LARGE1: variants seen among roughly 807,000 people sequenced by gnomAD.
LARGE1 encodes the protein xylosyl- and glucuronyltransferase LARGE1.
In LARGE1, 43 loss-of-function variants were observed where a neutral mutation model predicts 87.6. The observed-to-expected ratio is 0.49, with a 90% CI of 0.38 to 0.63. The LOEUF (loss-of-function observed/expected upper bound fraction) is 0.63, where lower values mean the gene tolerates loss of function less well. Ranked by LOEUF, LARGE1 falls within the 30% of genes least tolerant of loss-of-function variation. The probability of loss-of-function intolerance (pLI) is 0.00; values close to 1 mark genes in which losing one functional copy is unlikely to be tolerated. For synonymous variants in LARGE1, 434 were observed against 394.6 expected (o/e 1.10, Z -1.18); for missense variants, 802 against 1,000.2 (o/e 0.80, Z 2.67).
chr22:33,568,766 C>CAAAAAAAAAAAA (rs57651807), intron 5 of LARGE1, among the ~76,000 whole-genome samples: 2 of 92,774 alleles, frequency 2.2e-5, no homozygotes, highest in Non-Finnish European at 4.4e-5. Flanking sequence ...AACTCAGTCT[C>CAAAAAAAAAAAA]AAAAAAAAAA....
intron 12 of LARGE1, among the ~76,000 whole-genome samples, chr22:33,302,058 T>C (rs193032039): frequency 0.012 from 1,799 of 152,030 alleles, 14 homozygotes; most frequent in South Asian, 0.026. Context: ...TGGGCAGGGG[T>C]CCAATCCTGA....
At chr22:33,766,982 T>C (rs7286428) in intron 1 of LARGE1, among the ~76,000 whole-genome samples, 40,786 of 135,946 alleles carry the variant, frequency 0.3, 6,969 homozygotes, top group East Asian at 0.49. Context: ...CCTGAAATTT[T>C]ATACAAGGAG....
At chr22:33,774,726 T>C (rs1365076873) in intron 1 of LARGE1, among the ~76,000 whole-genome samples, 1 of 152,232 alleles carries the variant, frequency 6.6e-6, no homozygotes. Flanking sequence ...ATGTAATCAA[T>C]ATAAAGCATT....
At position 33,761,491 on chromosome 22, in the gene LARGE1, C is replaced by G. The variant is rs779542731; in HGVS notation, c.-15G>C. On this transcript the variant is annotated 5_prime_UTR_variant, in exon 2 of 15. Coordinates refer to ENST00000397394, the MANE Select transcript of LARGE1 (RefSeq NM_133642.5). Reference sequence around the variant, plus strand: ...ATTCCCAGCATCCTCTCAGAAGTGGCAATCCCTAATCCCAGCGCCGTTTCT... The same window carrying G: ...ATTCCCAGCATCCTCTCAGAAGTGGGAATCCCTAATCCCAGCGCCGTTTCT... 2 of 1,600,726 alleles carry G rather than the reference C, an allele frequency of 1.2e-6. No individual in the cohort carries two copies. Among genetic ancestry groups the G allele is most frequent in the South Asian group, 1.1e-5 (1 of 90,856 alleles).
intron 11 of LARGE1, among the ~76,000 whole-genome samples, chr22:33,203,619 G>C (rs370819987): frequency 2.6e-5 from 4 of 152,146 alleles, no homozygotes; most frequent in African/African-American, 9.7e-5. Context: ...TGAAGCTAGG[G>C]AGGCAAGCAG....
At chr22:33,283,121 T>A (rs1930784934) in intron 13 of LARGE1, 81 bp downstream of exon 13, 1 of 1,569,230 alleles carries the variant, frequency 6.4e-7, no homozygotes, top group Admixed American at 1.7e-5. Context: ...AACTTCCAGA[T>A]CGATAGCTTT....
chr22:33,659,128 C>T (rs2081052601), intron 2 of LARGE1, among the ~76,000 whole-genome samples: 1 of 152,204 alleles, frequency 6.6e-6, no homozygotes, highest in South Asian at 2.1e-4. Flanking sequence ...AGCCCAGCTG[C>T]CTGACTATCC....
intron 10 of LARGE1, chr22:33,322,859 A>G (rs1460261028): frequency 6.6e-6 from 1 of 152,354 alleles, no homozygotes; most frequent in Non-Finnish European, 1.5e-5. Context: ...ACCGTGGCTC[A>G]TGCCTGTAAT....
intron 3 of LARGE1, among the ~76,000 whole-genome samples, chr22:33,630,625 C>G (rs2080079166): frequency 6.6e-6 from 1 of 152,084 alleles, no homozygotes; most frequent in Non-Finnish European, 1.5e-5. Context: ...GTATAGGATA[C>G]TCATCATGAT....
chr22:33,289,564 C>G (rs1932158621), intron 12 of LARGE1, among the ~76,000 whole-genome samples: 1 of 152,142 alleles, frequency 6.6e-6, no homozygotes, highest in African/African-American at 2.4e-5. Context: ...ACTGGTGCAT[C>G]CAAGGCAAGA....
intron 10 of LARGE1, among the ~76,000 whole-genome samples, chr22:33,327,762 G>A (rs746952976): frequency 1.1e-4 from 16 of 152,124 alleles, no homozygotes; most frequent in Non-Finnish European, 2.2e-4. Flanking sequence ...GGTTGGTCTA[G>A]AACTCCTGGG....
intron 6 of LARGE1, among the ~76,000 whole-genome samples, chr22:33,530,462 T>G (rs1371859735): frequency 3.7e-5 from 1 of 26,778 alleles, no homozygotes; most frequent in Non-Finnish European, 9.4e-5. Context: ...TTGCTGAGGC[T>G]TTTTTTTTTT....
At chr22:33,258,878 C>CTTTT (rs71187256) in intron 11 of LARGE1, among the ~76,000 whole-genome samples, 3 of 142,460 alleles carry the variant, frequency 2.1e-5, no homozygotes, top group African/African-American at 5.2e-5. Flanking sequence ...TATGTTTCTT[C>CTTTT]TTTTTTTTTT....
intron 1 of LARGE1, among the ~76,000 whole-genome samples, chr22:33,907,895 C>A (rs1298678489): frequency 6.6e-6 from 1 of 152,194 alleles, no homozygotes; most frequent in Non-Finnish European, 1.5e-5. Context: ...CCGTGCCCGG[C>A]CTGTGTGAAG....
At chr22:33,680,038 G>C (rs934645935) in intron 2 of LARGE1, among the ~76,000 whole-genome samples, 2 of 152,112 alleles carry the variant, frequency 1.3e-5, no homozygotes, top group Non-Finnish European at 2.9e-5. Context: ...GGCAGCTGTG[G>C]GGACTTCAAA....
chr22:33,324,937 G>GTTCT (rs1937110823), intron 10 of LARGE1, among the ~76,000 whole-genome samples: 1 of 151,946 alleles, frequency 6.6e-6, no homozygotes, highest in Non-Finnish European at 1.5e-5. Flanking sequence ...GCTTTTGCAG[G>GTTCT]TTCTTTCTCA....
chr22:33,848,370 G>A (rs2063491738), intron 1 of LARGE1, among the ~76,000 whole-genome samples: 1 of 151,790 alleles, frequency 6.6e-6, no homozygotes, highest in South Asian at 2.1e-4. Flanking sequence ...CCAGGCTCAT[G>A]GGCCCTAGGG....
intron 11 of LARGE1, among the ~76,000 whole-genome samples, chr22:33,216,553 C>A (rs1925212207): frequency 6.8e-6 from 1 of 146,744 alleles, no homozygotes; most frequent in Non-Finnish European, 1.5e-5. Flanking sequence ...GGTGTGAACC[C>A]AGGAGGCGGA....
chr22:33,668,996 A>G (rs1330101181), intron 2 of LARGE1, among the ~76,000 whole-genome samples: 1 of 152,180 alleles, frequency 6.6e-6, no homozygotes, highest in South Asian at 2.1e-4. Flanking sequence ...TGCATGAAAC[A>G]TTTCAGCCAA....
Sources: allele counts gnomAD v4.1 joint callset (sites outside exome capture counted in the v4.1 genomes callset), GRCh38; gene constraint gnomAD v4.1.1; transcripts MANE v1.5; gene names NCBI Gene and HGNC (gene_info 2026-07-23, HGNC 2026-07-21).